APOBEC3D: variants seen among roughly 807,000 people sequenced by gnomAD.
APOBEC3D encodes the protein apolipoprotein B mRNA editing enzyme catalytic subunit 3D.
In APOBEC3D, 37 loss-of-function variants were observed where a neutral mutation model predicts 45.6. The ratio of observed to expected loss-of-function variants is 0.81; its 90% CI spans 0.62 to 1.07. The LOEUF (loss-of-function observed/expected upper bound fraction) is 1.07, where lower values mean the gene tolerates loss of function less well. APOBEC3D is among the 50% of genes least tolerant of loss of function. The pLI is 0.00. For synonymous variants in APOBEC3D, 175 were observed against 180.7 expected, an observed-to-expected ratio of 0.97 and a Z score of 0.25; for missense variants, 496 against 495.3, an observed-to-expected ratio of 1.00 and a Z score of -0.01.
chr22:39,025,673 T>A lies in APOBEC3D; in HGVS notation c.605+2T>A. ...CCGCACGCTAAAGGAGATTCTCAGG[T>A]GAGGGTCTCCCTCTGGCCTCATCGT... On this transcript the variant is annotated splice_donor_variant, in intron 4 of 6. Transcript: ENST00000216099. LOFTEE classifies it high-confidence loss of function. 6.2e-7 allele frequency: 1 copy of A among 1,614,062 alleles called. No individual in the cohort carries two copies. The highest frequency in any genetic ancestry group is 8.5e-7 in the Non-Finnish European group (1 of 1,179,972).
intron 5 of APOBEC3D, among the ~76,000 whole-genome samples, chr22:39,031,063 G>A (rs1926167103): frequency 6.6e-6 from 1 of 152,152 alleles, no homozygotes; most frequent in Non-Finnish European, 1.5e-5. Flanking sequence ...CTACTCCGGA[G>A]GCTGAGGCAA....
At chr22:39,022,712 A>C in intron 1 of APOBEC3D, 110 bp from the exon 2 acceptor site, 1 of 1,382,144 alleles carries the variant, frequency 7.2e-7, no homozygotes, top group South Asian at 1.5e-5. Flanking sequence ...AGGGCTGTGG[A>C]GGGGTGGGGG....
In APOBEC3D at chr22:39,025,219, G is replaced by C; in HGVS notation, c.360G>C (p.Leu120Phe). The change falls in exon 3 of 7, where the codon TTG becomes TTC. Residue 120 changes from leucine to phenylalanine, a missense_variant. Leu to Phe is a conservative substitution (Grantham distance 22, BLOSUM62 0). Transcript: ENST00000216099. Reference protein sequence around the residue: ...LPCVVKVTKFLAEHPNVTLTI... With the variant: ...LPCVVKVTKFFAEHPNVTLTI... ...GTGTGGTGAAGGTGACCAAATTCTT[G>C]GCTGAGCACCCCAATGTCACCCTGA... 6.2e-7 allele frequency: 1 copy of C among 1,613,916 alleles called. No homozygotes were observed. Among genetic ancestry groups the C allele is most frequent in the Middle Eastern group, 1.6e-4 (1 of 6,062 alleles).
intron 4 of APOBEC3D, among the ~76,000 whole-genome samples, chr22:39,026,407 T>C (rs1460224903): frequency 1.3e-5 from 2 of 152,216 alleles, no homozygotes; most frequent in African/African-American, 2.4e-5. Context: ...ATCACCACTT[T>C]AGTGTACTTG....
Position 39,032,707 on chromosome 22 carries a change from T to A in APOBEC3D, c.*391T>A. The A allele has an allele frequency of 1.5e-6, 1 of 675,844 alleles. No homozygotes were observed. The highest frequency in any genetic ancestry group is 1.8e-6 in the Non-Finnish European group (1 of 547,150). 41.9% of individuals were successfully genotyped at this position (675,844 alleles called of 1,614,324 possible). On this transcript the variant is annotated 3_prime_UTR_variant, in exon 7 of 7. Transcript: ENST00000216099. ...TTACTGGGTTCAAGTGATTCTCCTG[T>A]CTCAGCTTCTGAGTAGCTGGGATTA...
Position 39,021,570 on chromosome 22 carries a change from C to T in APOBEC3D, c.17+34C>T, listed in dbSNP as rs746181366. On this transcript the variant is annotated intron_variant, in intron 1 of 6. Coordinates refer to ENST00000216099, the MANE Select transcript of APOBEC3D (RefSeq NM_152426.4). ...GCCCACTATGTCCGCAGGGCCCCTC[C>T]GGCCCCTTCCTTCTGGTGGTCCTGC... 8.9e-5 allele frequency: 143 copies of T among 1,610,736 alleles called. 1 individual carries two copies. The highest frequency in any genetic ancestry group is 1.3e-4 in the South Asian group (12 of 91,046).
intron 2 of APOBEC3D, among the ~76,000 whole-genome samples, chr22:39,024,427 C>T (rs1475759509): frequency 6.6e-6 from 1 of 152,164 alleles, no homozygotes; most frequent in Non-Finnish European, 1.5e-5. Flanking sequence ...AATTCACACA[C>T]GAGGCCATGA....
In APOBEC3D at chr22:39,029,525, A is replaced by G. The variant is rs1242181659; in HGVS notation, c.762+6A>G. The G allele has an allele frequency of 3.7e-6, 6 of 1,614,022 alleles. No homozygotes were observed. Among genetic ancestry groups the G allele is most frequent in the African/African-American group, 1.3e-5 (1 of 74,908 alleles). On this transcript the variant is annotated splice_donor_region_variant and intron_variant, in intron 5 of 6. Transcript: ENST00000216099. ...GGGGCGTCTTCCGAAACCAGGTAGC[A>G]CCAAAGTCCTATTTACACCCTAAAT... is the stretch of plus-strand genomic sequence containing the variant.
chr22:39,030,894 G>A (rs771048708), intron 5 of APOBEC3D, among the ~76,000 whole-genome samples: 2 of 152,180 alleles, frequency 1.3e-5, no homozygotes, highest in African/African-American at 2.4e-5. Context: ...ACGCCTGTAC[G>A]CAGTAGCTCA....
At chr22:39,028,827 T>C (rs1327361624) in intron 4 of APOBEC3D, among the ~76,000 whole-genome samples, 2 of 152,028 alleles carry the variant, frequency 1.3e-5, no homozygotes, top group Non-Finnish European at 2.9e-5. Context: ...CCCAGCTACT[T>C]GGGAGGCTGA....
At chr22:39,026,765 T>G (rs28557780) in intron 4 of APOBEC3D, among the ~76,000 whole-genome samples, 70,203 of 151,034 alleles carry the variant, frequency 0.46, 17,447 homozygotes, top group East Asian at 0.73. Context: ...TTGTTTTTTT[T>G]TTTTTGAGAC....
intron 5 of APOBEC3D, among the ~76,000 whole-genome samples, chr22:39,030,939 G>A (rs1332396491): frequency 6.6e-6 from 1 of 152,208 alleles, no homozygotes; most frequent in Admixed American, 6.5e-5. Context: ...AGGCCTAGGC[G>A]GGCGGATCAT....
intron 5 of APOBEC3D, among the ~76,000 whole-genome samples, chr22:39,031,426 C>T (rs936152708): frequency 1.3e-5 from 2 of 152,078 alleles, no homozygotes; most frequent in South Asian, 2.1e-4. Context: ...AAAAATTAGC[C>T]GGGCGTGGCA....
chr22:39,027,266 C>T (rs1471777805), intron 4 of APOBEC3D, among the ~76,000 whole-genome samples: 3 of 152,156 alleles, frequency 2.0e-5, no homozygotes, highest in East Asian at 1.9e-4. Flanking sequence ...TGTGGGGGCA[C>T]GCATGGCATC....
At chr22:39,030,883 C>CA (rs2146327124) in intron 5 of APOBEC3D, among the ~76,000 whole-genome samples, 1 of 152,320 alleles carries the variant, frequency 6.6e-6, no homozygotes, top group African/African-American at 2.4e-5. Context: ...CGCGGTGGCT[C>CA]ACGCCTGTAC....
At position 39,025,323 on chromosome 22, in the gene APOBEC3D, C is replaced by A. The variant is rs1418736725; in HGVS notation, c.464C>A (p.Ala155Asp). The A allele has an allele frequency of 2.5e-6, 4 of 1,613,928 alleles. No homozygotes were observed. Among genetic ancestry groups the A allele is most frequent in the Middle Eastern group, 1.6e-4 (1 of 6,084 alleles). ...WVLLRLHKAG[A>D]RVKIMDYEDF... ...CTCCTCAGGCTGCATAAGGCAGGGG[C>A]CCGTGTGAAGATCATGGACTATGAA... Residue 155 changes from alanine to aspartate, a missense_variant, in exon 3 of 7, where the codon GCC becomes GAC. Coordinates refer to ENST00000216099, the MANE Select transcript of APOBEC3D (RefSeq NM_152426.4).
At chr22:39,030,320 A>G (rs1926088497) in intron 5 of APOBEC3D, among the ~76,000 whole-genome samples, 1 of 143,856 alleles carries the variant, frequency 7.0e-6, no homozygotes, top group African/African-American at 2.7e-5. Context: ...CAGGCAGGAG[A>G]TTTTTTCAGA....
intron 1 of APOBEC3D, among the ~76,000 whole-genome samples, chr22:39,022,550 G>A (rs1925222957): frequency 6.6e-6 from 1 of 152,248 alleles, no homozygotes. Flanking sequence ...TGGGGAGTGG[G>A]TGGGCAGAAA....
intron 2 of APOBEC3D, among the ~76,000 whole-genome samples, chr22:39,023,262 C>T (rs990678515): frequency 8.6e-5 from 13 of 151,906 alleles, no homozygotes; most frequent in African/African-American, 1.2e-4. Context: ...ACTACAGGCG[C>T]GTGCTACCAC....
Sources: gnomAD v4.1 joint callset for allele counts (sites outside exome capture counted in the v4.1 genomes callset) on GRCh38, gnomAD v4.1.1 for gene constraint, MANE v1.5 for transcripts, NCBI Gene and HGNC (gene_info 2026-07-23, HGNC 2026-07-21) for gene names.